Variants in SLC6A2 observed in about 807,000 individuals in gnomAD.
SLC6A2 encodes the protein sodium-dependent noradrenaline transporter.
SLC6A2 carries 26 observed loss-of-function variants against 71.7 expected under a neutral mutation model. The observed-to-expected ratio is 0.36, with a 90% confidence interval of 0.27 to 0.50. SLC6A2 has a LOEUF of 0.50. SLC6A2 is among the 20% of genes least tolerant of loss of function. The probability of loss-of-function intolerance (pLI) is 0.96; values close to 1 mark genes in which losing one functional copy is unlikely to be tolerated. For missense variants in SLC6A2, 581 were observed against 803.9 expected, an observed-to-expected ratio of 0.72 and a Z score of 3.35; for synonymous variants, 363 against 337.9, an observed-to-expected ratio of 1.07 and a Z score of -0.82.
intron 2 of SLC6A2, among the ~76,000 whole-genome samples, chr16:55,665,511 T>C (rs1040975047): frequency 6.6e-6 from 1 of 152,134 alleles, no homozygotes; most frequent in Non-Finnish European, 1.5e-5. Flanking sequence ...ACTTCTTGCA[T>C]ATATCAAGGT....
rs1223727365 is a variant in SLC6A2, at chr16:55,705,926, C to T, written c.*3580C>T. ...TTTGGAGGGTAACACATTTTCATACCCTGTGAGTCCCAGGATCCACAGCTC... is the reference window on the plus strand; with the variant it reads ...TTTGGAGGGTAACACATTTTCATACTCTGTGAGTCCCAGGATCCACAGCTC... On this transcript the variant is annotated 3_prime_UTR_variant, in exon 15 of 15. Transcript: ENST00000568943. The T allele has an allele frequency of 1.3e-5, 2 of 152,158 alleles. No homozygotes were observed. The highest frequency in any genetic ancestry group is 2.9e-5 in the Non-Finnish European group (2 of 68,040). 9.4% of individuals were successfully genotyped at this position (152,158 alleles called of 1,614,324 possible).
chr16:55,669,581 G>A lies in SLC6A2; in HGVS notation c.291G>A (p.Pro97=), dbSNP rs749112583. The change falls in exon 3 of 15, where the codon CCG becomes CCA. Residue 97 remains proline, a synonymous_variant. Coordinates refer to ENST00000568943, the MANE Select transcript of SLC6A2 (RefSeq NM_001172501.3). ...YKNGGGAFLI[P]YTLFLIIAGM... ...GTCCTCCAGGTGCCTTCTTGATCCC[G>A]TACACACTGTTCCTTATCATCGCGG... 2.2e-5 allele frequency: 35 copies of A among 1,613,844 alleles called. No homozygotes were observed. The highest frequency in any genetic ancestry group is 6.7e-5 in the Admixed American group (4 of 60,006).
At chr16:55,700,649 C>G (rs1002258911) in intron 13 of SLC6A2, among the ~76,000 whole-genome samples, 4 of 152,156 alleles carry the variant, frequency 2.6e-5, no homozygotes, top group East Asian at 3.9e-4. Context: ...TGTGATGTCT[C>G]TGTCTAAGAT....
Position 55,704,124 on chromosome 16 carries a change from C to T in SLC6A2, c.*1778C>T, listed in dbSNP as rs558803670. 1.8e-4 allele frequency: 27 copies of T among 152,274 alleles called. No individual in the cohort carries two copies. The highest frequency in any genetic ancestry group is 6.0e-4 in the African/African-American group (25 of 41,530). 9.4% of individuals were successfully genotyped at this position (152,274 alleles called of 1,614,324 possible). On this transcript the variant is annotated 3_prime_UTR_variant, in exon 15 of 15. Coordinates refer to ENST00000568943, the MANE Select transcript of SLC6A2 (RefSeq NM_001172501.3). The stretch of plus-strand genomic sequence containing the variant: ...CTTTATATCCTCCCATAAAAGGTAA[C>T]TTCTTCCTAGGTGTTACCATTTTTC...
Position 55,700,191 on chromosome 16 carries a change from A to G in SLC6A2, c.1643A>G (p.Tyr548Cys), listed in dbSNP as rs1965926564. Reference protein sequence around the residue: ...INFKPLTYDDYIFPPWANWVG... With the variant: ...INFKPLTYDDCIFPPWANWVG... Reference sequence around the variant, plus strand: ...TTCAAGCCACTCACCTACGACGACTACATCTTCCCGCCCTGGGCCAACTGG... The same window carrying G: ...TTCAAGCCACTCACCTACGACGACTGCATCTTCCCGCCCTGGGCCAACTGG... Residue 548 changes from tyrosine (Y) to cysteine (C), a missense_variant, in exon 13 of 15, where the codon TAC becomes TGC. Around this residue, in one of 5 missense-constraint regions of SLC6A2, gnomAD observed 334 missense variants for 449.0 expected, o/e 0.74. Coordinates refer to ENST00000568943, the MANE Select transcript of SLC6A2 (RefSeq NM_001172501.3). 2 of 1,613,928 alleles carry G rather than the reference A, an allele frequency of 1.2e-6. No homozygotes were observed. The highest frequency in any genetic ancestry group is 1.3e-5 in the African/African-American group (1 of 74,880).
At chr16:55,697,132 G>A (rs36011) in intron 9 of SLC6A2, among the ~76,000 whole-genome samples, 6,059 of 152,220 alleles carry the variant, frequency 0.04, 287 homozygotes, top group East Asian at 0.27. Context: ...CTGGACATTT[G>A]CAAAAAATCT....
At position 55,704,732 on chromosome 16, in the gene SLC6A2, C is replaced by T; in HGVS notation, c.*2386C>T. On this transcript the variant is annotated 3_prime_UTR_variant, in exon 15 of 15. Coordinates refer to ENST00000568943, the MANE Select transcript of SLC6A2 (RefSeq NM_001172501.3). ...TCCTCTTTGCCATCTGCATGTGGCC[C>T]CTTCTGCCTCCAGACATTTGTCCCG... 6.5e-6 allele frequency: 1 copy of T among 153,126 alleles called. No homozygotes were observed. Among genetic ancestry groups the T allele is most frequent in the Non-Finnish European group, 1.5e-5 (1 of 68,592 alleles). 9.5% of individuals were successfully genotyped at this position (153,126 alleles called of 1,614,324 possible). A position where few individuals can be genotyped will look rare whatever the true frequency, so the allele number is the denominator to read the frequency against.
intron 9 of SLC6A2, among the ~76,000 whole-genome samples, chr16:55,697,652 AG>A (rs1404243986): frequency 6.6e-6 from 1 of 152,172 alleles, no homozygotes; most frequent in African/African-American, 2.4e-5. Flanking sequence ...GCTGTTGCGT[AG>A]GGGAGACAGG....
chr16:55,661,556 G>A (rs969458838), intron 2 of SLC6A2, among the ~76,000 whole-genome samples: 1 of 152,176 alleles, frequency 6.6e-6, no homozygotes, highest in Admixed American at 6.5e-5. Context: ...GCTAGACTTA[G>A]GAGTGGGGCA....
rs748539486 is a variant in SLC6A2 at position 55,672,152 on chromosome 16, C to A, written c.621C>A (p.Phe207Leu). The A allele has an allele frequency of 6.2e-7, 1 of 1,614,194 alleles. No homozygotes were observed. The highest frequency in any genetic ancestry group is 1.7e-4 in the Middle Eastern group (1 of 6,060). The change falls in exon 4 of 15, where the codon TTC becomes TTA. Residue 207 changes from phenylalanine (F) to leucine (L), a missense_variant. This residue lies in a region of SLC6A2 where 87 missense variants were observed against 99.5 expected (regional missense o/e 0.87). Coordinates refer to ENST00000568943, the MANE Select transcript of SLC6A2 (RefSeq NM_001172501.3). ...ACACCAAGTACTCCAAGTACAAGTTCACGCCGGCAGCCGAGTTTTATGAGT... is the reference window on the plus strand; with the variant it reads ...ACACCAAGTACTCCAAGTACAAGTTAACGCCGGCAGCCGAGTTTTATGAGT... ...GNHTKYSKYK[F>L]TPAAEFYERG...
chr16:55,669,641 A>T lies in SLC6A2; in HGVS notation c.351A>T (p.Gly117=). 1 of 1,614,114 alleles carries T rather than the reference A, an allele frequency of 6.2e-7. No homozygotes were observed. Among genetic ancestry groups the T allele is most frequent in the Non-Finnish European group, 8.5e-7 (1 of 1,179,996 alleles). Residue 117 remains glycine, a synonymous_variant, in exon 3 of 15, where the codon GGA becomes GGT. Transcript: ENST00000568943. ...TGTTCTACATGGAGCTGGCTCTGGG[A>T]CAGTACAACCGGGAGGGGGCTGCCA... is the stretch of plus-strand genomic sequence containing the variant. ...MPLFYMELAL[G]QYNREGAATV... is the part of the protein sequence containing the mutation.
Position 55,671,968 on chromosome 16 carries a change from T to G in SLC6A2, c.437T>G (p.Leu146Arg). ...GVGYAVILIA[L>R]YVGFYYNVII... ...GGCTATGCTGTCATCCTGATCGCCC[T>G]GTACGTTGGCTTCTACTACAACGTC... is the stretch of plus-strand genomic sequence containing the variant. The change falls in exon 4 of 15, where the codon CTG becomes CGG. Residue 146 changes from leucine (L) to arginine (R), a missense_variant. Leu to Arg is a moderately radical substitution (Grantham distance 102, BLOSUM62 -2). Around this residue, in one of 5 missense-constraint regions of SLC6A2, gnomAD observed 81 missense variants for 152.4 expected, o/e 0.53. Coordinates refer to ENST00000568943, the MANE Select transcript of SLC6A2 (RefSeq NM_001172501.3). 6.2e-7 allele frequency: 1 copy of G among 1,614,162 alleles called. No individual in the cohort carries two copies. The highest frequency in any genetic ancestry group is 1.3e-5 in the African/African-American group (1 of 75,044).
chr16:55,681,087 C>T (rs954585310), intron 4 of SLC6A2, among the ~76,000 whole-genome samples: 2 of 152,192 alleles, frequency 1.3e-5, no homozygotes, highest in African/African-American at 4.8e-5. Context: ...CCCCAGCCGA[C>T]CCCCTCTACT....
chr16:55,694,162 C>A, intron 7 of SLC6A2, 49 bp downstream of exon 7: 1 of 1,306,460 alleles, frequency 7.7e-7, no homozygotes, highest in Non-Finnish European at 1.1e-6. Context: ...TGGGGATTGA[C>A]TCTTGTTGGG....
chr16:55,675,269 A>C lies in SLC6A2; in HGVS notation c.644+3094A>C, dbSNP rs562457648. Among the ~76,000 whole-genome samples, 4 of 152,286 alleles carry C rather than the reference A, an allele frequency of 2.6e-5. No homozygotes were observed. In the East Asian group the frequency reaches 7.7e-4, roughly 29 times the overall value. On this transcript the variant is annotated intron_variant, in intron 4 of 14. Transcript: ENST00000568943. ...CCATTTTATCAATCCCTACACAAAC[A>C]TGCTAGCAGGTAAGCAGAAAGTACC...
In SLC6A2 at chr16:55,702,396, G is replaced by A; in HGVS notation, c.*50G>A. 1 of 1,614,150 alleles carries A rather than the reference G, an allele frequency of 6.2e-7. No individual in the cohort carries two copies. The highest frequency in any genetic ancestry group is 1.7e-5 in the Admixed American group (1 of 60,026). On this transcript the variant is annotated 3_prime_UTR_variant, in exon 15 of 15. Coordinates refer to ENST00000568943, the MANE Select transcript of SLC6A2 (RefSeq NM_001172501.3). ...CCCCCATGCCAATGTCCAGGTCACA[G>A]GCATCCGCTGCGCTCCCACCTCGGA...
rs41280884 is a variant in SLC6A2, at chr16:55,703,197, T to A, written c.*851T>A. On this transcript the variant is annotated 3_prime_UTR_variant, in exon 15 of 15. Transcript: ENST00000568943. ...GTAAGACACGGAGCCCAGAAACCCA[T>A]CTGCACTTCCTGAGACCTGCCTGGG... is the stretch of plus-strand genomic sequence containing the variant. The A allele has an allele frequency of 0.17, 170,837 of 985,356 alleles. 15,937 individuals carry two copies. Among genetic ancestry groups the A allele is most frequent in the African/African-American group, 0.35 (19,881 of 57,280 alleles). The allele number at this position is 985,356 out of a possible 1,614,324, so 61.0% of individuals were successfully genotyped here.
rs763942727 is a variant in SLC6A2 at position 55,696,248 on chromosome 16, T to C, written c.1171T>C (p.Tyr391His). 1.2e-6 allele frequency: 2 copies of C among 1,612,032 alleles called. No individual in the cohort carries two copies. Among genetic ancestry groups the C allele is most frequent in the Non-Finnish European group, 1.7e-6 (2 of 1,178,030 alleles). ...TEGAGLVFIL[Y>H]PEAISTLSGS... ...AGGAGCTGGCCTAGTGTTCATCCTG[T>C]ATCCAGAGGCCATTTCTACCCTGTC... Residue 391 changes from tyrosine (Y) to histidine (H), a missense_variant, in exon 9 of 15, where the codon TAT becomes CAT. Around this residue, in one of 5 missense-constraint regions of SLC6A2, gnomAD observed 334 missense variants for 449.0 expected, o/e 0.74. Transcript: ENST00000568943.
chr16:55,672,969 C>A (rs1349617824), intron 4 of SLC6A2, among the ~76,000 whole-genome samples: 1 of 152,214 alleles, frequency 6.6e-6, no homozygotes, highest in Non-Finnish European at 1.5e-5. Context: ...TAACCATGGT[C>A]TGAGTTTGAA....
Sources: allele counts gnomAD v4.1 joint callset (sites outside exome capture counted in the v4.1 genomes callset), GRCh38; gene constraint gnomAD v4.1.1; regional missense constraint gnomAD v4.1.1; transcripts MANE v1.5; gene names NCBI Gene and HGNC (gene_info 2026-07-23, HGNC 2026-07-21).